TMEM117: variants seen among roughly 807,000 people sequenced by gnomAD.
TMEM117 encodes transmembrane protein 117.
TMEM117 carries 27 observed loss-of-function variants against 52.4 expected under a neutral mutation model. The observed-to-expected ratio is 0.51, with a 90% CI of 0.38 to 0.71. The LOEUF is 0.71. Ranked by LOEUF, TMEM117 falls within the 30% of genes least tolerant of loss-of-function variation. The pLI, the probability that TMEM117 is intolerant of heterozygous loss-of-function variation, is 0.00. For synonymous variants in TMEM117, 215 were observed against 206.3 expected, an observed-to-expected ratio of 1.04 and a Z score of -0.36; for missense variants, 556 against 630.5, an observed-to-expected ratio of 0.88 and a Z score of 1.26.
chr12:44,013,657 G>T (rs1946330041), intron 3 of TMEM117, among the ~76,000 whole-genome samples: 1 of 152,154 alleles, frequency 6.6e-6, no homozygotes, highest in South Asian at 2.1e-4. Context: ...TCCGTGGCTG[G>T]GTTCCCTGGA....
At chr12:44,232,189 G>A (rs566744506) in intron 5 of TMEM117, among the ~76,000 whole-genome samples, 15 of 151,534 alleles carry the variant, frequency 9.9e-5, no homozygotes, top group African/African-American at 3.1e-4. Context: ...AACTTTTAGT[G>A]TTTTATTAAG....
intron 3 of TMEM117, among the ~76,000 whole-genome samples, chr12:44,115,761 G>T (rs1380834711): frequency 6.6e-6 from 1 of 152,134 alleles, no homozygotes; most frequent in East Asian, 1.9e-4. Flanking sequence ...TTATGGAACA[G>T]CTACTATGTG....
intron 5 of TMEM117, among the ~76,000 whole-genome samples, chr12:44,232,330 A>G (rs570351390): frequency 6.6e-6 from 1 of 151,662 alleles, no homozygotes; most frequent in South Asian, 2.1e-4. Flanking sequence ...TTTTTCTTAT[A>G]TAGATAAACC....
chr12:43,857,970 C>T (rs193098101), intron 2 of TMEM117, among the ~76,000 whole-genome samples: 3 of 152,048 alleles, frequency 2.0e-5, no homozygotes, highest in Non-Finnish European at 4.4e-5. Flanking sequence ...GATAGAAGCA[C>T]GGGTCAAAGA....
chr12:44,033,828 T>C (rs1403628022), intron 3 of TMEM117, among the ~76,000 whole-genome samples: 4 of 152,236 alleles, frequency 2.6e-5, no homozygotes, highest in Non-Finnish European at 4.4e-5. Flanking sequence ...AGATGGATAG[T>C]GGACTAGACA....
At chr12:44,341,642 G>A (rs1323779613) in intron 6 of TMEM117, among the ~76,000 whole-genome samples, 1 of 152,076 alleles carries the variant, frequency 6.6e-6, no homozygotes, top group African/African-American at 2.4e-5. Context: ...CTGTGTTTGG[G>A]TCTCTAAATC....
intron 6 of TMEM117, among the ~76,000 whole-genome samples, chr12:44,312,456 C>T (rs946677351): frequency 1.1e-4 from 17 of 152,080 alleles, no homozygotes; most frequent in Non-Finnish European, 2.9e-5. Flanking sequence ...TTTTTCATGG[C>T]TGTGTAATAT....
rs186556054 is a variant in TMEM117, at chr12:44,367,290, C to T, written c.769-9305C>T. 1.7e-3 allele frequency among the ~76,000 whole-genome samples: 254 copies of T among 152,178 alleles called. 1 individual carries two copies. Among genetic ancestry groups the T allele is most frequent in the Non-Finnish European group, 1.5e-3 (102 of 67,976 alleles). On this transcript the variant is annotated intron_variant, in intron 6 of 7. Transcript: ENST00000266534. Reference sequence around the variant, plus strand: ...GGCCTTTGTCCCCAATGTCGGCTTCCTCAGGAGCTCAAAGGTCTTATCAAT... The same window carrying T: ...GGCCTTTGTCCCCAATGTCGGCTTCTTCAGGAGCTCAAAGGTCTTATCAAT...
chr12:44,321,896 A>G (rs1045047616), intron 6 of TMEM117, among the ~76,000 whole-genome samples: 2 of 152,210 alleles, frequency 1.3e-5, no homozygotes, highest in African/African-American at 2.4e-5. Context: ...TGCATTTACT[A>G]TGCTCTCTGT....
At chr12:43,888,790 C>T (rs570015715) in intron 2 of TMEM117, among the ~76,000 whole-genome samples, 105 of 152,082 alleles carry the variant, frequency 6.9e-4, no homozygotes, top group Non-Finnish European at 8.5e-4. Context: ...CCTCGTGATC[C>T]GCCCACCTCG....
At chr12:43,926,207 A>C (rs947715671) in intron 2 of TMEM117, among the ~76,000 whole-genome samples, 3 of 152,226 alleles carry the variant, frequency 2.0e-5, no homozygotes, top group African/African-American at 7.2e-5. Flanking sequence ...TCTTACCTGA[A>C]ATCAGTAGAA....
intron 5 of TMEM117, among the ~76,000 whole-genome samples, chr12:44,227,291 G>A (rs779625251): frequency 6.6e-6 from 1 of 152,178 alleles, no homozygotes; most frequent in South Asian, 2.1e-4. Context: ...TGGACAACAT[G>A]GCAAAACCCC....
At chr12:44,045,582 G>A (rs1406432595) in intron 3 of TMEM117, among the ~76,000 whole-genome samples, 2 of 152,054 alleles carry the variant, frequency 1.3e-5, no homozygotes, top group Admixed American at 6.5e-5. Context: ...AGTGATTCAC[G>A]CTTCTAATCT....
chr12:44,364,547 G>A (rs987774368), intron 6 of TMEM117, among the ~76,000 whole-genome samples: 1 of 151,868 alleles, frequency 6.6e-6, no homozygotes, highest in African/African-American at 2.4e-5. Context: ...ATATAAAGAA[G>A]GATATTTAAT....
intron 4 of TMEM117, among the ~76,000 whole-genome samples, chr12:44,176,988 G>A (rs1949124432): frequency 6.6e-6 from 1 of 152,126 alleles, no homozygotes. Flanking sequence ...GTAAAGTTCT[G>A]CATGACTGTA....
chr12:43,795,944 T>C, the TMEM117 span, among the ~76,000 whole-genome samples: 1 of 152,334 alleles, frequency 6.6e-6, no homozygotes, highest in South Asian at 2.1e-4. Context: ...TATAATCAGC[T>C]ACATTCACTT....
rs550265971 is a variant in TMEM117, at chr12:43,845,321, C to T, written c.277+393C>T. Among the ~76,000 whole-genome samples the T allele has an allele frequency of 9.9e-5, 15 of 151,814 alleles. 1 individual carries two copies. The highest frequency in any genetic ancestry group is 3.6e-4 in the African/African-American group (15 of 41,394). On this transcript the variant is annotated intron_variant, in intron 2 of 7. Transcript: ENST00000266534. ...ACTAAAAATACAAAAAATAGCCAGG[C>T]GTGGTGGCACATGTTTGTAATCCCA...
chr12:43,900,080 A>G (rs1944278985), intron 2 of TMEM117, among the ~76,000 whole-genome samples: 1 of 152,200 alleles, frequency 6.6e-6, no homozygotes, highest in Non-Finnish European at 1.5e-5. Flanking sequence ...CTCACAACTC[A>G]TTTCTCAGCT....
chr12:43,949,592 T>C (rs528257471), intron 3 of TMEM117, among the ~76,000 whole-genome samples: 1 of 152,340 alleles, frequency 6.6e-6, no homozygotes, highest in South Asian at 2.1e-4. Context: ...GGGAAGCTGC[T>C]GATCACCAAG....
Sources: allele counts gnomAD v4.1 joint callset (sites outside exome capture counted in the v4.1 genomes callset), GRCh38; gene constraint gnomAD v4.1.1; transcripts MANE v1.5; gene names NCBI Gene and HGNC (gene_info 2026-07-23, HGNC 2026-07-21).